Variants in GLIS1 observed in about 807,000 individuals in gnomAD.
The protein encoded by GLIS1 is GLIS family zinc finger 1.
In GLIS1, 24 loss-of-function variants were observed where a neutral mutation model predicts 63.8. That is an observed-to-expected ratio of 0.38 (90% CI 0.27 to 0.53). The LOEUF (loss-of-function observed/expected upper bound fraction) is 0.53. Ranked by LOEUF, GLIS1 falls within the 20% of genes least tolerant of loss-of-function variation. The pLI, the probability that GLIS1 is intolerant of heterozygous loss-of-function variation, is 0.85. For synonymous variants in GLIS1, 450 were observed against 482.5 expected (o/e 0.93, Z 0.88); for missense variants, 1,036 against 1,074.1 (o/e 0.96, Z 0.50).
intron 4 of GLIS1, among the ~76,000 whole-genome samples, chr1:53,556,432 G>C (rs62652337): frequency 0.17 from 21,658 of 126,094 alleles, 1,864 homozygotes; most frequent in South Asian, 0.23. Flanking sequence ...TGTGTGTGCA[G>C]GTGTACTGCA....
chr1:53,511,251 C>G lies in GLIS1; in HGVS notation c.1884-1224G>C, dbSNP rs751414310. Among the ~76,000 whole-genome samples, 2 of 152,178 alleles carry G rather than the reference C, an allele frequency of 1.3e-5. No homozygotes were observed. Among genetic ancestry groups the G allele is most frequent in the Non-Finnish European group, 1.5e-5 (1 of 68,024 alleles). ...GGACCATCCACATTAAAATATACAGCGAATTCAATGTCACAGCTCCAGGTG... is the reference window on the plus strand; with the variant it reads ...GGACCATCCACATTAAAATATACAGGGAATTCAATGTCACAGCTCCAGGTG... On this transcript the variant is annotated intron_variant, in intron 8 of 10. Transcript: ENST00000628545. The surrounding 1 kb of genome is among the most constrained non-coding windows in gnomAD (Gnocchi z 4.2).
rs797904 is a variant in GLIS1, at chr1:53,739,162, A to C, written c.-100T>G. The stretch of plus-strand genomic sequence containing the variant: ...CGGCTCGGCGCGCCTCCACTGGCGC[A>C]GCAGCCCCCGCAGCCGCCGCAGCCG... On this transcript the variant is annotated 5_prime_UTR_variant, in exon 1 of 11. Coordinates refer to ENST00000628545, the MANE Select transcript of GLIS1 (RefSeq NM_001367484.1). Among the ~76,000 whole-genome samples, 24,422 of 106,706 alleles carry C rather than the reference A, an allele frequency of 0.23. 3,234 individuals carry two copies. The highest frequency in any genetic ancestry group is 0.42 in the African/African-American group (15,182 of 36,090). 70.0% of individuals were successfully genotyped at this position (106,706 alleles called of 152,430 possible).
chr1:53,578,190 A>AT (rs775254773), intron 4 of GLIS1, among the ~76,000 whole-genome samples: 19 of 152,222 alleles, frequency 1.2e-4, no homozygotes, highest in Non-Finnish European at 2.5e-4. Flanking sequence ...GCTGCTTGCT[A>AT]TAGCAGCCTG....
chr1:53,567,641 G>A (rs1644946919), intron 4 of GLIS1, among the ~76,000 whole-genome samples: 1 of 152,182 alleles, frequency 6.6e-6, no homozygotes, highest in Non-Finnish European at 1.5e-5. Context: ...TGGTTTCGTG[G>A]GCTGGGCCCA....
At chr1:53,660,369 G>A (rs2100358651) in intron 2 of GLIS1, among the ~76,000 whole-genome samples, 1 of 152,342 alleles carries the variant, frequency 6.6e-6, no homozygotes, top group South Asian at 2.1e-4. Context: ...TTATGTGCCA[G>A]GCAGGGCATC....
chr1:53,738,114 G>C lies in GLIS1; in HGVS notation c.-42-8C>G, dbSNP rs1157735345. 2.5e-6 allele frequency: 3 copies of C among 1,220,784 alleles called. No individual in the cohort carries two copies. In the African/African-American group the frequency reaches 4.7e-5, roughly 19 times the overall value. 75.6% of individuals were successfully genotyped at this position (1,220,784 alleles called of 1,614,324 possible). A position where few individuals can be genotyped will look rare whatever the true frequency, so the allele number is the denominator to read the frequency against. On this transcript the variant is annotated splice_polypyrimidine_tract_variant and splice_region_variant and intron_variant, in intron 1 of 10. Transcript: ENST00000628545. ...GGGGGTCGCGCCGGGCTCCTGGGGA[G>C]GGGAGACAGCACAGCCAGTTAGAAT...
In GLIS1 at chr1:53,530,722, G is replaced by A. The variant is rs150281836; in HGVS notation, c.1321-770C>T. Among the ~76,000 whole-genome samples, 222 of 150,530 alleles carry A rather than the reference G, an allele frequency of 1.5e-3. 1 individual carries two copies. In the East Asian group the frequency reaches 0.036, roughly 25 times the overall value. ...AGCAAGGAGTGTCCCCTCTTTCACA[G>A]CCACCCACCAACCTCCCTCAGCCCT... On this transcript the variant is annotated intron_variant, in intron 4 of 10. Transcript: ENST00000628545.
chr1:53,624,326 C>T (rs1374339439), intron 2 of GLIS1, among the ~76,000 whole-genome samples: 1 of 152,156 alleles, frequency 6.6e-6, no homozygotes. Flanking sequence ...GCTAGAAAAA[C>T]TGGATAACTG....
intron 4 of GLIS1, among the ~76,000 whole-genome samples, chr1:53,587,685 GCTT>G (rs1645149374): frequency 6.6e-6 from 1 of 152,188 alleles, no homozygotes; most frequent in South Asian, 2.1e-4. Flanking sequence ...CTGGGTGCTG[GCTT>G]CTTGAGAAAA....
chr1:53,634,092 T>C (rs1174644910), intron 2 of GLIS1, among the ~76,000 whole-genome samples: 1 of 152,092 alleles, frequency 6.6e-6, no homozygotes, highest in Non-Finnish European at 1.5e-5. Context: ...CTTATAAAGA[T>C]GGAGTTGCCG....
At chr1:53,520,561 C>G in intron 7 of GLIS1, 73 bp downstream of exon 7, 4 of 1,473,048 alleles carry the variant, frequency 2.7e-6, no homozygotes, top group Non-Finnish European at 3.6e-6. Flanking sequence ...CTGAGCATCA[C>G]TTGTCCTTGA....
chr1:53,627,430 C>T (rs1645607643), intron 2 of GLIS1, among the ~76,000 whole-genome samples: 1 of 152,166 alleles, frequency 6.6e-6, no homozygotes, highest in African/African-American at 2.4e-5. Flanking sequence ...CAAATTGAAC[C>T]TCCCGCTTGC....
At chr1:53,670,397 T>C (rs1470258225) in intron 2 of GLIS1, among the ~76,000 whole-genome samples, 1 of 152,226 alleles carries the variant, frequency 6.6e-6, no homozygotes, top group Non-Finnish European at 1.5e-5. Context: ...TAGCATGTCA[T>C]CTTAGATGTC....
In GLIS1 at chr1:53,529,780, G is replaced by A. The variant is rs754091793; in HGVS notation, c.1482+11C>T. 1.2e-6 allele frequency: 2 copies of A among 1,609,288 alleles called. No individual in the cohort carries two copies. Among genetic ancestry groups the A allele is most frequent in the Non-Finnish European group, 1.7e-6 (2 of 1,179,432 alleles). On this transcript the variant is annotated intron_variant, in intron 5 of 10. Coordinates refer to ENST00000628545, the MANE Select transcript of GLIS1 (RefSeq NM_001367484.1). ...TCCACCCCGCCCTGGGCCTCTGCCT[G>A]TTGGGCCTACCGTGTCTAGGTGGGT...
Position 53,509,993 on chromosome 1 carries a change from G to C in GLIS1, c.1918C>G (p.Pro640Ala). ...GPGLLSPIVS[P>A]LKGLGPPPLP... is the part of the protein sequence containing the mutation. ...GGCGGTGGCCCCAGCCCCTTCAGGG[G>C]GCTGACTATTGGTGAGAGGAGGCCG... Residue 640 changes from proline to alanine, a missense_variant, in exon 9 of 11, where the codon CCC (proline) becomes GCC (alanine). Physicochemically the swap from Pro to Ala is conservative, Grantham distance 27 (BLOSUM62 -1). This residue lies in a region of GLIS1 where 400 missense variants were observed against 400.9 expected (regional missense o/e 1.00). Transcript: ENST00000628545. 1 of 1,286,098 alleles carries C rather than the reference G, an allele frequency of 7.8e-7. No homozygotes were observed. The highest frequency in any genetic ancestry group is 1.5e-5 in the African/African-American group (1 of 66,148). 79.7% of individuals were successfully genotyped at this position (1,286,098 alleles called of 1,614,324 possible). A position where few individuals can be genotyped will look rare whatever the true frequency, so the allele number is the denominator to read the frequency against.
At chr1:53,664,272 C>A (rs1646063952) in intron 2 of GLIS1, among the ~76,000 whole-genome samples, 1 of 152,164 alleles carries the variant, frequency 6.6e-6, no homozygotes, top group South Asian at 2.1e-4. Flanking sequence ...CCTAGAGCAT[C>A]CTGCCTCCCA....
chr1:53,643,006 CA>C (rs1645803696), intron 2 of GLIS1, among the ~76,000 whole-genome samples: 1 of 152,210 alleles, frequency 6.6e-6, no homozygotes, highest in Admixed American at 6.5e-5. Flanking sequence ...CAAACCACCA[CA>C]GGGCTGGGAC....
chr1:53,507,710 G>A (rs1329346882), intron 10 of GLIS1, among the ~76,000 whole-genome samples: 2 of 152,216 alleles, frequency 1.3e-5, no homozygotes, highest in African/African-American at 4.8e-5. Context: ...GAGCGGGCCT[G>A]GAGTGGGCAC....
intron 2 of GLIS1, among the ~76,000 whole-genome samples, chr1:53,709,727 C>T (rs188778413): frequency 3.9e-4 from 59 of 152,302 alleles, no homozygotes; most frequent in African/African-American, 1.3e-3. Flanking sequence ...CCCCCAGAGG[C>T]AGTTCCCATT....
Sources: gnomAD v4.1 joint callset for allele counts (sites outside exome capture counted in the v4.1 genomes callset) on GRCh38, gnomAD v4.1.1 for gene constraint, gnomAD v4.1.1 regional missense constraint, Gnocchi (gnomAD v3.1) non-coding constraint, MANE v1.5 for transcripts, NCBI Gene and HGNC (gene_info 2026-07-23, HGNC 2026-07-21) for gene names.